The following GLRA2 variants were observed in gnomAD, a reference collection of about 807,000 sequenced individuals.
GLRA2 encodes the protein glycine receptor alpha 2, also known as glycine receptor subunit alpha-2.
A neutral mutation model predicts 31.6 loss-of-function variants in GLRA2; 11 were observed. The observed-to-expected ratio is 0.35, with a 90% CI of 0.22 to 0.58. The LOEUF is 0.58. GLRA2 is among the 20% of genes least tolerant of loss of function. The pLI is 0.84. For synonymous variants in GLRA2, 132 were observed against 134.0 expected (o/e 0.99, Z 0.10); for missense variants, 212 against 351.8 (o/e 0.60, Z 3.18).
the GLRA2 span, among the ~76,000 whole-genome samples, chrX:14,450,294 G>A: frequency 8.9e-6 from 1 of 112,056 alleles, no homozygotes; most frequent in Non-Finnish European, 1.9e-5. Flanking sequence ...AAGCTCAGAG[G>A]ACTAGTGGGT....
intron 2 of GLRA2, among the ~76,000 whole-genome samples, chrX:14,554,417 G>A (rs2089613179): frequency 9.0e-6 from 1 of 111,408 alleles, no homozygotes; most frequent in African/African-American, 3.3e-5. Flanking sequence ...TGAGAGCTTA[G>A]GTACTATTCG....
intron 8 of GLRA2, among the ~76,000 whole-genome samples, chrX:14,710,952 A>G (rs1390266205): frequency 1.8e-5 from 2 of 112,311 alleles, no homozygotes. Context: ...TTACCTTCCA[A>G]GGTGGTATGT....
At chrX:14,676,869 T>C (rs190918288) in intron 7 of GLRA2, among the ~76,000 whole-genome samples, 1 of 111,802 alleles carries the variant, frequency 8.9e-6, no homozygotes, top group African/African-American at 3.2e-5. Flanking sequence ...GCCAAAGTTT[T>C]CAAAAATGCC....
chrX:14,663,660 C>T lies in GLRA2; in HGVS notation c.931-27050C>T, dbSNP rs184517224. The stretch of plus-strand genomic sequence containing the variant: ...AAGTACGATTTATTTAATAATGCAA[C>T]GATAATTTATTATAAGAAAATCTAT... On this transcript the variant is annotated intron_variant, in intron 7 of 8. Coordinates refer to ENST00000218075, the MANE Select transcript of GLRA2 (RefSeq NM_002063.4). Among the ~76,000 whole-genome samples, 6 of 110,811 alleles carry T rather than the reference C, an allele frequency of 5.4e-5. 1 individual carries two copies. Among genetic ancestry groups the T allele is most frequent in the East Asian group, 5.6e-4 (2 of 3,572 alleles).
chrX:14,467,565 C>T, the GLRA2 span, among the ~76,000 whole-genome samples: 1 of 112,276 alleles, frequency 8.9e-6, no homozygotes, highest in East Asian at 2.8e-4. Context: ...TTGCAGACAA[C>T]ATCTAAGTGG....
the GLRA2 span, among the ~76,000 whole-genome samples, chrX:14,458,826 T>G: frequency 8.9e-6 from 1 of 111,896 alleles, no homozygotes; most frequent in South Asian, 3.7e-4. Flanking sequence ...GCAGGTTGCC[T>G]GTTCACTCTG....
chrX:14,503,401 T>C, the GLRA2 span, among the ~76,000 whole-genome samples: 15 of 111,650 alleles, frequency 1.3e-4, no homozygotes, highest in African/African-American at 4.6e-4. Flanking sequence ...CGACGATTAG[T>C]TTCTATTTCC....
At chrX:14,596,432 C>T (rs1420627568) in intron 4 of GLRA2, among the ~76,000 whole-genome samples, 1 of 110,756 alleles carries the variant, frequency 9.0e-6, no homozygotes, top group Non-Finnish European at 1.9e-5. Context: ...AACCAGTATA[C>T]CTCTCCAATG....
chrX:14,681,891 C>CA (rs1157722406), intron 7 of GLRA2, among the ~76,000 whole-genome samples: 373 of 26,648 alleles, frequency 0.014, 16 homozygotes, highest in East Asian at 0.058. Context: ...GACACCATCT[C>CA]AAAAAAAAAA....
At chrX:14,623,384 A>G (rs1486231363) in intron 7 of GLRA2, among the ~76,000 whole-genome samples, 1 of 111,146 alleles carries the variant, frequency 9.0e-6, no homozygotes, top group Non-Finnish European at 1.9e-5. Context: ...TTCCAACACT[A>G]TGTTGAATAG....
At chrX:14,489,654 T>A in the GLRA2 span, among the ~76,000 whole-genome samples, 41 of 111,711 alleles carry the variant, frequency 3.7e-4, no homozygotes, top group African/African-American at 1.2e-3. Context: ...CTCCTCCCAG[T>A]GTGCAGGTCG....
intron 7 of GLRA2, among the ~76,000 whole-genome samples, chrX:14,613,403 C>T (rs2090421525): frequency 8.9e-6 from 1 of 111,741 alleles, no homozygotes; most frequent in Non-Finnish European, 1.9e-5. Flanking sequence ...TACAATTAGT[C>T]CTCCATATCT....
At chrX:14,591,911 A>G (rs3027364) in intron 4 of GLRA2, among the ~76,000 whole-genome samples, 24,650 of 110,979 alleles carry the variant, frequency 0.22, 2,637 homozygotes, top group Non-Finnish European at 0.33. Flanking sequence ...TCTTCAGGCA[A>G]TGGTACAAAG....
At chrX:14,623,978 C>G (rs10113598) in intron 7 of GLRA2, among the ~76,000 whole-genome samples, 2 of 111,393 alleles carry the variant, frequency 1.8e-5, no homozygotes, top group African/African-American at 6.5e-5. Flanking sequence ...CCATCTGGTC[C>G]TGGACTTTTT....
At chrX:14,553,425 GCCT>G (rs1444322339) in intron 2 of GLRA2, among the ~76,000 whole-genome samples, 1 of 111,111 alleles carries the variant, frequency 9.0e-6, no homozygotes, top group Non-Finnish European at 1.9e-5. Flanking sequence ...ACAATTTGTT[GCCT>G]CCTCTGCCAT....
At chrX:14,602,084 T>A (rs191764532) in intron 4 of GLRA2, among the ~76,000 whole-genome samples, 24 of 111,816 alleles carry the variant, frequency 2.1e-4, no homozygotes, top group Non-Finnish European at 4.5e-4. Context: ...TTTGAGGCAG[T>A]ACTAGGAAGG....
chrX:14,560,029 C>T (rs930494816), intron 2 of GLRA2, among the ~76,000 whole-genome samples: 2 of 111,728 alleles, frequency 1.8e-5, no homozygotes, highest in Non-Finnish European at 3.8e-5. Context: ...ACAGTGCTTA[C>T]TCATGTTCAG....
At chrX:14,534,731 G>A (rs1203873319) in intron 2 of GLRA2, among the ~76,000 whole-genome samples, 1 of 110,480 alleles carries the variant, frequency 9.1e-6, no homozygotes, top group Admixed American at 9.8e-5. Flanking sequence ...AGAGGAAAAG[G>A]TAGATCAATT....
intron 8 of GLRA2, among the ~76,000 whole-genome samples, chrX:14,715,460 G>A (rs1311902758): frequency 8.9e-6 from 1 of 111,761 alleles, no homozygotes; most frequent in Non-Finnish European, 1.9e-5. Context: ...AGGCACTGGG[G>A]ATATCAAAAT....
Sources: allele counts gnomAD v4.1 joint callset (sites outside exome capture counted in the v4.1 genomes callset), GRCh38; gene constraint gnomAD v4.1.1; transcripts MANE v1.5; gene names NCBI Gene and HGNC (gene_info 2026-07-23, HGNC 2026-07-21).